The following AKR1C3 variants were observed in gnomAD, a reference collection of about 807,000 sequenced individuals.
AKR1C3 encodes 3-alpha hydroxysteroid dehydrogenase, type II.
AKR1C3 carries 48 observed loss-of-function variants against 43.6 expected under a neutral mutation model. That is an observed-to-expected ratio of 1.10 (90% CI 0.87 to 1.40). The LOEUF (loss-of-function observed/expected upper bound fraction) is 1.40, where lower values mean the gene tolerates loss of function less well. AKR1C3 is among the 40% of genes most tolerant of loss of function. The probability of loss-of-function intolerance (pLI) is 0.00; values close to 1 mark genes in which losing one functional copy is unlikely to be tolerated. For missense variants in AKR1C3, 482 were observed against 391.2 expected (o/e 1.23, Z -1.96); for synonymous variants, 162 against 139.6 (o/e 1.16, Z -1.13).
chr10:5,064,963 T>C (rs1330744548), intron 1 of AKR1C3, among the ~76,000 whole-genome samples: 1 of 148,280 alleles, frequency 6.7e-6, no homozygotes, highest in African/African-American at 2.5e-5. Context: ...CATGAACAGA[T>C]GTTTTTTAAA....
chr10:5,068,520 A>AC (rs1554780996), intron 1 of AKR1C3, among the ~76,000 whole-genome samples: 24 of 91,860 alleles, frequency 2.6e-4, no homozygotes, highest in African/African-American at 9.2e-4. Flanking sequence ...AAAAAAAAAA[A>AC]AAAAACACAT....
Position 5,105,519 on chromosome 10 carries a change from G to A in AKR1C3, c.847-76G>A, listed in dbSNP as rs189734876. The A allele has an allele frequency of 9.5e-5, 105 of 1,100,916 alleles. No individual in the cohort carries two copies. The African/African-American group carries it at 1.0e-3, about 11-fold the overall frequency. The allele number at this position is 1,100,916 out of a possible 1,614,324, so 68.2% of individuals were successfully genotyped here. The stretch of plus-strand genomic sequence containing the variant: ...TACCAATATTTTAAGTATTGTCTCT[G>A]CACCCTACTGTCTAATATACTTGGG... On this transcript the variant is annotated intron_variant, in intron 7 of 8. Coordinates refer to ENST00000380554, the MANE Select transcript of AKR1C3 (RefSeq NM_003739.6).
At chr10:5,075,444 C>T (rs1275276610) in intron 1 of AKR1C3, among the ~76,000 whole-genome samples, 1 of 149,508 alleles carries the variant, frequency 6.7e-6, no homozygotes, top group East Asian at 2.0e-4. Context: ...TGAAGTATTT[C>T]TCACTGTGTT....
intron 1 of AKR1C3, among the ~76,000 whole-genome samples, chr10:5,083,764 A>G (rs1420102089): frequency 8.6e-5 from 13 of 152,040 alleles, no homozygotes; most frequent in Non-Finnish European, 1.9e-4. Context: ...TTTAATGATC[A>G]CCATTCAAAC....
At chr10:5,091,152 G>A (rs1554784133), upstream of AKR1C3, among the ~76,000 whole-genome samples, 2 of 151,930 alleles carry the variant, frequency 1.3e-5, no homozygotes, top group African/African-American at 4.8e-5. Context: ...GGTTATTTTT[G>A]TGATGACAGT....
At chr10:5,097,245 C>T (rs1839228023) in intron 2 of AKR1C3, among the ~76,000 whole-genome samples, 189 bp from the exon 3 acceptor site, 1 of 152,080 alleles carries the variant, frequency 6.6e-6, no homozygotes, top group South Asian at 2.1e-4. Context: ...ACAAACTATA[C>T]ATCCAACGTA....
Position 5,102,484 on chromosome 10 carries a change from G to A in AKR1C3, c.681-1G>A, listed in dbSNP as rs781918440. 1.3e-6 allele frequency: 2 copies of A among 1,538,568 alleles called. No individual in the cohort carries two copies. The highest frequency in any genetic ancestry group is 1.4e-5 in the African/African-American group (1 of 72,104). On this transcript the variant is annotated splice_acceptor_variant, in intron 6 of 8. Transcript: ENST00000380554. LOFTEE classifies it high-confidence loss of function. Reference sequence around the variant, plus strand: ...CTCAGCCTTTCTGCCTTTCCTTCCAGGGTGGACCCGAACTCCCCGGTGCTC... The same window carrying A: ...CTCAGCCTTTCTGCCTTTCCTTCCAAGGTGGACCCGAACTCCCCGGTGCTC...
At chr10:5,090,557 T>C (rs1316842836), upstream of AKR1C3, among the ~76,000 whole-genome samples, 1 of 152,118 alleles carries the variant, frequency 6.6e-6, no homozygotes, top group Non-Finnish European at 1.5e-5. Context: ...ATAGACAGCT[T>C]TGTGGCTCTC....
At chr10:5,049,038 T>C (rs1170088992) in intron 1 of AKR1C3, 5 of 616,360 alleles carry the variant, frequency 8.1e-6, no homozygotes, top group Admixed American at 2.7e-5. Flanking sequence ...CTATACTGTA[T>C]GTACAAAGAG....
chr10:5,059,265 C>T (rs1465454069), intron 1 of AKR1C3, among the ~76,000 whole-genome samples: 1 of 152,132 alleles, frequency 6.6e-6, no homozygotes, highest in Non-Finnish European at 1.5e-5. Context: ...ACTAGAAAAA[C>T]ACCAGAGACA....
At chr10:5,071,191 G>A (rs993857281) in intron 1 of AKR1C3, among the ~76,000 whole-genome samples, 1 of 152,326 alleles carries the variant, frequency 6.6e-6, no homozygotes, top group Middle Eastern at 3.4e-3. Context: ...TTTGGCTAAT[G>A]GCTCCAGAGG....
rs1839277193 is a variant in AKR1C3, at chr10:5,098,793, C to G, written c.370-9C>G. ...TGTGACATCATTAAAATGACTGCTT[C>G]TATTTCAGCCAGGTGAGGAACTTTC... On this transcript the variant is annotated splice_polypyrimidine_tract_variant and intron_variant, in intron 3 of 8. Transcript: ENST00000380554. 1 of 1,612,236 alleles carries G rather than the reference C, an allele frequency of 6.2e-7. No homozygotes were observed. The highest frequency in any genetic ancestry group is 1.7e-5 in the Admixed American group (1 of 59,864).
intron 1 of AKR1C3, among the ~76,000 whole-genome samples, chr10:5,072,648 C>G (rs1369478069): frequency 1.3e-5 from 2 of 152,126 alleles, no homozygotes; most frequent in African/African-American, 4.8e-5. Context: ...GCTACAACTG[C>G]CTGCTTGTCA....
chr10:5,062,428 C>A (rs1191779425), intron 1 of AKR1C3, among the ~76,000 whole-genome samples: 14 of 152,250 alleles, frequency 9.2e-5, no homozygotes, highest in Middle Eastern at 3.4e-3. Flanking sequence ...GGTTGAGAAA[C>A]ACTCTAAAAA....
At chr10:5,070,241 T>C (rs1480828300) in intron 1 of AKR1C3, among the ~76,000 whole-genome samples, 2 of 152,212 alleles carry the variant, frequency 1.3e-5, no homozygotes, top group Admixed American at 1.3e-4. Context: ...GGGCCTAGCT[T>C]CTGCTGGAAT....
chr10:5,077,926 A>G (rs1554781984), intron 1 of AKR1C3: 1 of 640,576 alleles, frequency 1.6e-6, no homozygotes, highest in African/African-American at 1.9e-5. Flanking sequence ...AAATCGATTC[A>G]TCAAATGAAT....
At position 5,059,607 on chromosome 10, in the gene AKR1C3, G is replaced by T. The variant is rs530797158; in HGVS notation, c.84+10712G>T. ...CCCTTTCCCAGAAAGCCTGACACCC[G>T]TGTCTTTAGTCCAGCGGCCGCACTA... On this transcript the variant is annotated intron_variant, in intron 1 of 8. Transcript: ENST00000439082. 6.6e-5 allele frequency among the ~76,000 whole-genome samples: 10 copies of T among 152,316 alleles called. No individual in the cohort carries two copies. The East Asian group carries it at 1.9e-3, about 29-fold the overall frequency.
intron 1 of AKR1C3, among the ~76,000 whole-genome samples, chr10:5,068,347 G>C (rs1838552172): frequency 1.3e-5 from 2 of 151,838 alleles, no homozygotes; most frequent in South Asian, 4.1e-4. Flanking sequence ...CTCTTTTCTG[G>C]ATGTTTTCAG....
chr10:5,068,245 C>G (rs186449751), intron 1 of AKR1C3, among the ~76,000 whole-genome samples: 1 of 152,156 alleles, frequency 6.6e-6, no homozygotes, highest in African/African-American at 2.4e-5. Flanking sequence ...TTAGAACATA[C>G]ATTAGCATTA....
Sources: gnomAD v4.1 joint callset for allele counts (sites outside exome capture counted in the v4.1 genomes callset) on GRCh38, gnomAD v4.1.1 for gene constraint, MANE v1.5 for transcripts, NCBI Gene and HGNC (gene_info 2026-07-23, HGNC 2026-07-21) for gene names.